The following NLGN3 variants were observed in gnomAD, a reference collection of about 807,000 sequenced individuals.
The protein encoded by NLGN3 is neuroligin 3.
NLGN3 carries 11 observed loss-of-function variants against 42.9 expected under a neutral mutation model. The observed-to-expected ratio is 0.26, with a 90% CI of 0.16 to 0.42. NLGN3 has a LOEUF of 0.42. Among genes scored for constraint, NLGN3 ranks in the 10% least tolerant of loss-of-function variants. The pLI is 1.00. For missense variants in NLGN3, 374 were observed against 733.8 expected (o/e 0.51, Z 5.67); for synonymous variants, 279 against 312.7 (o/e 0.89, Z 1.14).
intron 5 of NLGN3, among the ~76,000 whole-genome samples, chrX:71,161,012 C>G (rs1296772523): frequency 3.6e-5 from 4 of 111,712 alleles, no homozygotes; most frequent in Non-Finnish European, 7.5e-5. Context: ...AGTGAGTGAC[C>G]TCTCCCAGAA....
At chrX:71,159,629 C>T (rs183399116) in intron 5 of NLGN3, among the ~76,000 whole-genome samples, 1 of 111,701 alleles carries the variant, frequency 9.0e-6, no homozygotes, top group Non-Finnish European at 1.9e-5. Flanking sequence ...TCAATAAGCC[C>T]GTATTGGATG....
downstream of NLGN3, among the ~76,000 whole-genome samples, chrX:71,173,043 C>T (rs966785877): frequency 9.2e-5 from 10 of 108,746 alleles, no homozygotes; most frequent in African/African-American, 3.3e-4. Flanking sequence ...AACTCCTGGG[C>T]TCAAGCAATC....
Position 71,170,079 on chromosome X carries a change from C to A in NLGN3, c.2529C>A (p.His843Gln). 1 of 1,210,416 alleles carries A rather than the reference C, an allele frequency of 8.3e-7. No homozygotes were observed. The highest frequency in any genetic ancestry group is 2.2e-5 in the Admixed American group (1 of 45,884). The change falls in exon 8 of 8, where the codon CAC becomes CAA. Residue 843 changes from histidine (H) to glutamine (Q), a missense_variant. Around this residue, in one of 6 missense-constraint regions of NLGN3, gnomAD observed 92 missense variants for 108.0 expected, o/e 0.85. Coordinates refer to ENST00000358741, the MANE Select transcript of NLGN3 (RefSeq NM_181303.2). The stretch of plus-strand genomic sequence containing the variant: ...ACAGTACCGGGCTGCCCCACTCACA[C>A]TCCACTACCCGGGTATAGCTCCAAC... Reference protein sequence around the residue: ...GFNSTGLPHSHSTTRV With the variant: ...GFNSTGLPHSQSTTRV
At chrX:71,146,206 C>G (rs919741934) in intron 1 of NLGN3, among the ~76,000 whole-genome samples, 3 of 100,973 alleles carry the variant, frequency 3.0e-5, no homozygotes, top group Non-Finnish European at 6.0e-5. Flanking sequence ...CACACACACA[C>G]ACACACACAC....
chrX:71,154,784 G>T (rs768806660), intron 4 of NLGN3, among the ~76,000 whole-genome samples: 1 of 111,422 alleles, frequency 9.0e-6, no homozygotes, highest in East Asian at 2.8e-4. Context: ...CATGTAACTG[G>T]TCTAGTCTTG....
chrX:71,168,792 A>G (rs7881425), intron 7 of NLGN3, among the ~76,000 whole-genome samples: 21,253 of 90,752 alleles, frequency 0.23, 4,751 homozygotes, highest in African/African-American at 0.64. Context: ...GAAAGAAAGA[A>G]AGAGAGAGAA....
chrX:71,151,449 T>A (rs1183153808), intron 3 of NLGN3, among the ~76,000 whole-genome samples: 1 of 112,200 alleles, frequency 8.9e-6, no homozygotes, highest in Non-Finnish European at 1.9e-5. Flanking sequence ...TGGTGGCCAT[T>A]TGGAAGAGTG....
chrX:71,146,960 T>C (rs901642287), intron 1 of NLGN3, among the ~76,000 whole-genome samples: 2 of 111,464 alleles, frequency 1.8e-5, no homozygotes, highest in African/African-American at 6.5e-5. Context: ...AGGAGAAATG[T>C]ACAGGAGGGG....
At position 71,168,867 on chromosome X, in the gene NLGN3, AAGAGAAAGAAAAGAAAG is replaced by A. The variant is rs1569485717; in HGVS notation, c.1704-383_1704-367del. Among the ~76,000 whole-genome samples the A allele has an allele frequency of 3.9e-3, 273 of 69,226 alleles. 11 individuals are homozygous for A. Among genetic ancestry groups the A allele is most frequent in the African/African-American group, 0.025 (233 of 9,359 alleles). 60.1% of individuals were successfully genotyped at this position (69,226 alleles called of 115,157 possible). On this transcript the variant is annotated intron_variant, in intron 7 of 7. Transcript: ENST00000358741. ...AAAGAAAGAAAGAAAGAAAGAAAGA[AAGAGAAAGAAAAGAAAG>A]AGAAAGAAAGAAAGAAAGAAAAAGA...
At chrX:71,156,661 C>A (rs2092410340) in intron 5 of NLGN3, among the ~76,000 whole-genome samples, 1 of 110,478 alleles carries the variant, frequency 9.1e-6, no homozygotes, top group Non-Finnish European at 1.9e-5. Flanking sequence ...TGCACACACA[C>A]CTCTACCCAG....
At chrX:71,172,968 TTATA>T (rs2092473577), downstream of NLGN3, among the ~76,000 whole-genome samples, 1 of 96,768 alleles carries the variant, frequency 1.0e-5, no homozygotes, top group South Asian at 4.1e-4. Flanking sequence ...GAGAGCTAGA[TTATA>T]TGACTTTTTT....
intron 7 of NLGN3, 128 bp downstream of exon 7, chrX:71,167,928 C>G (rs2092452188): frequency 1.7e-6 from 1 of 590,492 alleles, no homozygotes; most frequent in Non-Finnish European, 2.8e-6. Flanking sequence ...GGTACCCCTT[C>G]ACTCATCTTC....
chrX:71,171,704 G>A (rs187195410), downstream of NLGN3: 45 of 735,251 alleles, frequency 6.1e-5, no homozygotes, highest in East Asian at 5.2e-3. Flanking sequence ...CAGAGCAGAG[G>A]CCCTCTCCTT....
chrX:71,161,175 C>A (rs1346246601), intron 5 of NLGN3, among the ~76,000 whole-genome samples: 1 of 103,561 alleles, frequency 9.7e-6, no homozygotes, highest in Non-Finnish European at 2.0e-5. Context: ...AGTGCAATGG[C>A]GCTATCTCGG....
At chrX:71,173,501 G>A (rs1359611438), downstream of NLGN3, among the ~76,000 whole-genome samples, 1 of 112,564 alleles carries the variant, frequency 8.9e-6, no homozygotes, top group East Asian at 2.8e-4. Context: ...AAGTGAAGCT[G>A]AGGATATACT....
At chrX:71,161,639 T>A (rs2092430525) in intron 5 of NLGN3, among the ~76,000 whole-genome samples, 1 of 110,599 alleles carries the variant, frequency 9.0e-6, no homozygotes, top group Non-Finnish European at 1.9e-5. Flanking sequence ...CCAGGCATGG[T>A]GGCAGGCACC....
downstream of NLGN3, among the ~76,000 whole-genome samples, chrX:71,173,614 C>A (rs200367664): frequency 3.4e-4 from 38 of 112,612 alleles, no homozygotes; most frequent in East Asian, 8.9e-3. Flanking sequence ...GAGTTGGACA[C>A]AGCTATCATA....
chrX:71,170,324 A>C lies in NLGN3; in HGVS notation c.*227A>C, dbSNP rs2092467507. 9.3e-7 allele frequency: 1 copy of C among 1,074,074 alleles called. No homozygotes were observed. Among genetic ancestry groups the C allele is most frequent in the Non-Finnish European group, 1.2e-6 (1 of 827,911 alleles). 88.5% of individuals were successfully genotyped at this position (1,074,074 alleles called of 1,213,427 possible). The stretch of plus-strand genomic sequence containing the variant: ...GGAAGTAAACCTGAACAAACCCTTT[A>C]AATGGGGACGCAGATGAGTCCTCGG... On this transcript the variant is annotated 3_prime_UTR_variant, in exon 8 of 8. Transcript: ENST00000358741.
chrX:71,168,365 T>TAC (rs758893056), intron 7 of NLGN3, among the ~76,000 whole-genome samples: 70 of 108,991 alleles, frequency 6.4e-4, no homozygotes, highest in Non-Finnish European at 1.2e-3. Flanking sequence ...CACACACATA[T>TAC]ACACACACAC....
Sources: gnomAD v4.1 joint callset for allele counts (sites outside exome capture counted in the v4.1 genomes callset) on GRCh38, gnomAD v4.1.1 for gene constraint, gnomAD v4.1.1 regional missense constraint, MANE v1.5 for transcripts, NCBI Gene and HGNC (gene_info 2026-07-23, HGNC 2026-07-21) for gene names.